Variants in CDH18 observed in about 807,000 individuals in gnomAD.
The protein encoded by CDH18 is cadherin 18, also known as cadherin-18.
A neutral mutation model predicts 67.9 loss-of-function variants in CDH18; 31 were observed. The ratio of observed to expected loss-of-function variants is 0.46; its 90% CI spans 0.34 to 0.62. The LOEUF (loss-of-function observed/expected upper bound fraction) is 0.62. Among genes scored for constraint, CDH18 ranks in the 20% least tolerant of loss-of-function variants. The probability of loss-of-function intolerance (pLI) is 0.01; values close to 1 mark genes in which losing one functional copy is unlikely to be tolerated. For synonymous variants in CDH18, 362 were observed against 347.2 expected (o/e 1.04, Z -0.48); for missense variants, 890 against 975.5 (o/e 0.91, Z 1.17).
chr5:19,677,726 A>G (rs1759699118), intron 5 of CDH18, among the ~76,000 whole-genome samples: 1 of 152,072 alleles, frequency 6.6e-6, no homozygotes, highest in Non-Finnish European at 1.5e-5. Flanking sequence ...AAATCTACCA[A>G]GCAAATGAGA....
chr5:20,310,641 G>A (rs1736898299), intron 1 of CDH18, among the ~76,000 whole-genome samples: 1 of 152,154 alleles, frequency 6.6e-6, no homozygotes, highest in Non-Finnish European at 1.5e-5. Context: ...TCTGACCGGT[G>A]TAAGTGTTGA....
chr5:20,565,692 A>G (rs1023422383), intron 1 of CDH18, among the ~76,000 whole-genome samples: 5 of 151,796 alleles, frequency 3.3e-5, no homozygotes, highest in Non-Finnish European at 7.4e-5. Context: ...AAGCCTGCAT[A>G]TAATCAATGT....
chr5:20,158,764 GA>G (rs1280587297), intron 2 of CDH18: 3 of 170,852 alleles, frequency 1.8e-5, no homozygotes, highest in African/African-American at 7.2e-5. Context: ...GATAAAAGGT[GA>G]TCAGTAACCT....
intron 1 of CDH18, among the ~76,000 whole-genome samples, chr5:20,306,969 C>A (rs1487353432): frequency 6.6e-6 from 1 of 152,000 alleles, no homozygotes; most frequent in Non-Finnish European, 1.5e-5. Flanking sequence ...ACATTTAAAT[C>A]ATTCAAATAG....
At chr5:19,725,996 G>C (rs183817878) in intron 4 of CDH18, among the ~76,000 whole-genome samples, 81 of 152,212 alleles carry the variant, frequency 5.3e-4, no homozygotes, top group Admixed American at 4.0e-3. Flanking sequence ...GCAGTCCCTG[G>C]GCAACCATTT....
At chr5:20,442,525 T>C (rs1357121709) in intron 1 of CDH18, among the ~76,000 whole-genome samples, 1 of 151,876 alleles carries the variant, frequency 6.6e-6, no homozygotes, top group Admixed American at 6.5e-5. Context: ...CTAATGGCAG[T>C]TGGCCCTGAG....
intron 1 of CDH18, among the ~76,000 whole-genome samples, chr5:20,408,323 A>G (rs920276855): frequency 1.3e-5 from 2 of 152,108 alleles, no homozygotes; most frequent in Non-Finnish European, 2.9e-5. Context: ...TACCAAGTAT[A>G]AAACTCATTG....
intron 2 of CDH18, among the ~76,000 whole-genome samples, chr5:20,241,720 G>C (rs978888472): frequency 2.6e-5 from 4 of 151,260 alleles, no homozygotes; most frequent in Admixed American, 2.0e-4. Context: ...GCGTGGTTGG[G>C]GGGCGCCTGT....
At chr5:19,596,525 A>G (rs934207664) in intron 6 of CDH18, among the ~76,000 whole-genome samples, 2 of 152,104 alleles carry the variant, frequency 1.3e-5, no homozygotes, top group African/African-American at 4.8e-5. Context: ...TAGGATGGTA[A>G]CACTAGAAAA....
chr5:19,688,864 T>C (rs925902056), intron 5 of CDH18, among the ~76,000 whole-genome samples: 2 of 151,560 alleles, frequency 1.3e-5, no homozygotes, highest in African/African-American at 4.8e-5. Context: ...CAAATAGAAA[T>C]CCCAGAAATG....
Position 20,233,625 on chromosome 5 carries a change from C to T in CDH18, c.-518+21819G>A, listed in dbSNP as rs562282635. Among the ~76,000 whole-genome samples, 158 of 151,832 alleles carry T rather than the reference C, an allele frequency of 1.0e-3. No individual in the cohort carries two copies. The Middle Eastern group carries it at 0.02, about 20-fold the overall frequency. ...GTACACACGCATGTATATACATATACACACACAGACATGCGTGTGTGTGTG... is the reference window on the plus strand; with the variant it reads ...GTACACACGCATGTATATACATATATACACACAGACATGCGTGTGTGTGTG... On this transcript the variant is annotated intron_variant, in intron 2 of 14. Transcript: ENST00000507958.
intron 5 of CDH18, among the ~76,000 whole-genome samples, chr5:19,681,262 G>C (rs548879945): frequency 1.3e-5 from 2 of 151,712 alleles, no homozygotes; most frequent in African/African-American, 2.4e-5. Flanking sequence ...GTAGACAGAG[G>C]ATCAAAAACT....
chr5:19,690,334 A>G, intron 5 of CDH18, among the ~76,000 whole-genome samples: 1 of 151,654 alleles, frequency 6.6e-6, no homozygotes, highest in Non-Finnish European at 1.5e-5. Context: ...ATATCAATAA[A>G]TACCTATATC....
chr5:20,539,943 C>T (rs553833994), intron 1 of CDH18, among the ~76,000 whole-genome samples: 1 of 152,106 alleles, frequency 6.6e-6, no homozygotes, highest in African/African-American at 2.4e-5. Context: ...AATTTGGAAG[C>T]ACTGAACTAT....
chr5:20,242,536 A>C (rs1743011312), intron 2 of CDH18, among the ~76,000 whole-genome samples: 2 of 143,266 alleles, frequency 1.4e-5, no homozygotes, highest in African/African-American at 5.1e-5. Context: ...AGTTGTCCCA[A>C]ATGACAGGAT....
intron 12 of CDH18, among the ~76,000 whole-genome samples, chr5:19,482,749 G>A (rs961241685): frequency 4.6e-5 from 7 of 151,950 alleles, no homozygotes; most frequent in East Asian, 1.9e-4. Context: ...CTTTTTTCAC[G>A]TGAAGGGGAA....
At chr5:20,386,897 A>ATGTGTGTGGG (rs1744357850) in intron 1 of CDH18, among the ~76,000 whole-genome samples, 1 of 151,818 alleles carries the variant, frequency 6.6e-6, no homozygotes, top group Non-Finnish European at 1.5e-5. Flanking sequence ...TCTCTCCTCT[A>ATGTGTGTGGG]TGTGTGTGGG....
intron 1 of CDH18, among the ~76,000 whole-genome samples, chr5:20,522,731 C>CAT (rs1215097128): frequency 1.3e-5 from 2 of 152,226 alleles, no homozygotes; most frequent in East Asian, 3.9e-4. Context: ...CCTCTCTGAA[C>CAT]ATATGTTCTT....
chr5:19,814,334 C>A lies in CDH18; in HGVS notation c.228+24425G>T, dbSNP rs374994387. Among the ~76,000 whole-genome samples, 109 of 151,860 alleles carry A rather than the reference C, an allele frequency of 7.2e-4. 1 individual carries two copies. The South Asian group carries it at 0.022, about 30-fold the overall frequency. On this transcript the variant is annotated intron_variant, in intron 3 of 12. Coordinates refer to ENST00000382275, the MANE Select transcript of CDH18 (RefSeq NM_004934.5). ...GATAATACTATTGGTTTTGGTTTGG[C>A]CTTCCAGGCATGAATTATGTCCTAA...
Sources: allele counts gnomAD v4.1 joint callset (sites outside exome capture counted in the v4.1 genomes callset), GRCh38; gene constraint gnomAD v4.1.1; transcripts MANE v1.5; gene names NCBI Gene and HGNC (gene_info 2026-07-23, HGNC 2026-07-21).